Variants in RCAN2 observed in about 807,000 individuals in gnomAD.
RCAN2 encodes the protein calcipressin-2.
A neutral mutation model predicts 23.6 loss-of-function variants in RCAN2; 9 were observed. That is an observed-to-expected ratio of 0.38 (90% CI 0.23 to 0.67). The LOEUF (loss-of-function observed/expected upper bound fraction) is 0.67. Among genes scored for constraint, RCAN2 ranks in the 30% least tolerant of loss-of-function variants. The probability of loss-of-function intolerance (pLI) is 0.51; values close to 1 mark genes in which losing one functional copy is unlikely to be tolerated. For missense variants in RCAN2, 273 were observed against 302.3 expected (o/e 0.90, Z 0.72); for synonymous variants, 109 against 115.7 (o/e 0.94, Z 0.37).
chr6:46,379,677 A>C (rs1765569676), intron 2 of RCAN2, among the ~76,000 whole-genome samples: 1 of 152,222 alleles, frequency 6.6e-6, no homozygotes, highest in Admixed American at 6.5e-5. Flanking sequence ...TTAAATAAAA[A>C]TACTAAGCTC....
chr6:46,232,715 C>G (rs978062748), intron 4 of RCAN2, among the ~76,000 whole-genome samples: 2 of 151,116 alleles, frequency 1.3e-5, no homozygotes, highest in Admixed American at 6.6e-5. Flanking sequence ...ATCACTTAAA[C>G]CCAGGAAGTG....
intron 2 of RCAN2, among the ~76,000 whole-genome samples, chr6:46,447,441 G>C (rs1222363429): frequency 1.3e-5 from 2 of 151,860 alleles, no homozygotes; most frequent in East Asian, 1.9e-4. Flanking sequence ...AGATAATCCA[G>C]ACAGAATATC....
intron 2 of RCAN2, among the ~76,000 whole-genome samples, chr6:46,418,095 T>C (rs1251014704): frequency 6.6e-6 from 1 of 152,198 alleles, no homozygotes; most frequent in African/African-American, 2.4e-5. Context: ...TCACTATCCT[T>C]ATTTAAACTT....
intron 1 of RCAN2, chr6:46,468,717 T>C (rs2150439893): frequency 1.5e-6 from 1 of 659,132 alleles, no homozygotes; most frequent in African/African-American, 2.0e-5. Flanking sequence ...TGGAATGTAA[T>C]ACCCTCAGAT....
intron 4 of RCAN2, among the ~76,000 whole-genome samples, chr6:46,225,962 AT>A (rs1765650618): frequency 6.6e-6 from 1 of 152,214 alleles, no homozygotes; most frequent in South Asian, 2.1e-4. Flanking sequence ...TAATTTGTGT[AT>A]AAAGTAGGAG....
rs1469392859 is a variant in RCAN2, at chr6:46,248,715, T to C, written c.399+8A>G. On this transcript the variant is annotated splice_region_variant and intron_variant, in intron 3 of 4. Transcript: ENST00000371374. ...AAAAAGAATAACTTTGGTAAACAAT[T>C]ACCTTACCTGTGCAAAGTAGAGCTT... The C allele has an allele frequency of 1.3e-6, 2 of 1,575,326 alleles. No individual in the cohort carries two copies. Among genetic ancestry groups the C allele is most frequent in the African/African-American group, 2.7e-5 (2 of 72,816 alleles).
chr6:46,306,343 G>A (rs1763066186), intron 2 of RCAN2, among the ~76,000 whole-genome samples: 1 of 152,126 alleles, frequency 6.6e-6, no homozygotes, highest in South Asian at 2.1e-4. Flanking sequence ...TGACCCACCA[G>A]CACTTCTAGA....
intron 4 of RCAN2, among the ~76,000 whole-genome samples, chr6:46,241,508 G>A (rs750137653): frequency 5.9e-5 from 9 of 152,320 alleles, no homozygotes; most frequent in South Asian, 2.1e-4. Context: ...GAAATGTACC[G>A]TAAAGAATTG....
At chr6:46,353,561 G>A (rs538100531) in intron 2 of RCAN2, among the ~76,000 whole-genome samples, 62 of 152,282 alleles carry the variant, frequency 4.1e-4, no homozygotes, top group Middle Eastern at 3.4e-3. Context: ...CCTGACTTAA[G>A]TTCAGCTTGG....
At chr6:46,465,328 A>G (rs563461993) in intron 1 of RCAN2, among the ~76,000 whole-genome samples, 1 of 152,328 alleles carries the variant, frequency 6.6e-6, no homozygotes, top group East Asian at 1.9e-4. Context: ...ACAAAGCAAA[A>G]GAGTTTTGGA....
rs1357194942 is a variant in RCAN2 at position 46,382,894 on chromosome 6, T to C, written c.225+73858A>G. 2.0e-5 allele frequency among the ~76,000 whole-genome samples: 3 copies of C among 152,206 alleles called. No individual in the cohort carries two copies. The East Asian group carries it at 5.8e-4, about 29-fold the overall frequency. On this transcript the variant is annotated intron_variant, in intron 2 of 4. Coordinates refer to ENST00000371374, the MANE Select transcript of RCAN2 (RefSeq NM_001251974.2). Reference sequence around the variant, plus strand: ...GAATGGTGTCCTTGAATTGCTCACCTACCGATAGTTACAGGCACAGAAATG... The same window carrying C: ...GAATGGTGTCCTTGAATTGCTCACCCACCGATAGTTACAGGCACAGAAATG...
chr6:46,357,200 G>T (rs1297786912), intron 2 of RCAN2, among the ~76,000 whole-genome samples: 1 of 152,184 alleles, frequency 6.6e-6, no homozygotes, highest in East Asian at 1.9e-4. Flanking sequence ...AACCAGAATG[G>T]TTGGCCATCC....
intron 2 of RCAN2, among the ~76,000 whole-genome samples, chr6:46,333,462 A>C (rs903596500): frequency 3.9e-5 from 6 of 152,244 alleles, no homozygotes; most frequent in Non-Finnish European, 7.3e-5. Context: ...TTTCGCTATT[A>C]AATAATGCAG....
At chr6:46,407,833 G>A (rs1291856359) in intron 2 of RCAN2, among the ~76,000 whole-genome samples, 15 of 152,156 alleles carry the variant, frequency 9.9e-5, no homozygotes, top group Admixed American at 5.9e-4. Flanking sequence ...CTTTAGAAGC[G>A]TGCCTCCAAA....
chr6:46,355,527 G>T (rs991205399), intron 2 of RCAN2, among the ~76,000 whole-genome samples: 1 of 152,170 alleles, frequency 6.6e-6, no homozygotes, highest in African/African-American at 2.4e-5. Context: ...CCCTCTAGGA[G>T]GTCATGTTTA....
At chr6:46,475,297 C>A (rs1247011032) in intron 1 of RCAN2, among the ~76,000 whole-genome samples, 2 of 152,156 alleles carry the variant, frequency 1.3e-5, no homozygotes, top group East Asian at 3.9e-4. Context: ...AAGCTTCTGG[C>A]AGGTGAAAGT....
intron 2 of RCAN2, among the ~76,000 whole-genome samples, chr6:46,335,395 C>T (rs1014640553): frequency 2.0e-5 from 3 of 152,096 alleles, no homozygotes; most frequent in Admixed American, 1.3e-4. Context: ...CTCTCTTTTT[C>T]CTCAACCCAA....
At chr6:46,478,230 A>T (rs1768765153) in intron 1 of RCAN2, among the ~76,000 whole-genome samples, 1 of 152,170 alleles carries the variant, frequency 6.6e-6, no homozygotes, top group African/African-American at 2.4e-5. Context: ...CTCACAAGAA[A>T]ATCACAGCCC....
chr6:46,463,264 G>C (rs1768277189), intron 1 of RCAN2, among the ~76,000 whole-genome samples: 1 of 152,194 alleles, frequency 6.6e-6, no homozygotes, highest in East Asian at 1.9e-4. Flanking sequence ...TAGAAAATAA[G>C]TTTTGAGTTA....
Sources: gnomAD v4.1 joint callset for allele counts (sites outside exome capture counted in the v4.1 genomes callset) on GRCh38, gnomAD v4.1.1 for gene constraint, MANE v1.5 for transcripts, NCBI Gene and HGNC (gene_info 2026-07-23, HGNC 2026-07-21) for gene names.